FRMD4A: variants seen among roughly 807,000 people sequenced by gnomAD.
FRMD4A encodes FERM domain-containing protein 4A.
In FRMD4A, 29 loss-of-function variants were observed where a neutral mutation model predicts 129.1. The ratio of observed to expected loss-of-function variants is 0.22; its 90% confidence interval spans 0.17 to 0.31. FRMD4A has a LOEUF of 0.31. Ranked by LOEUF, FRMD4A falls within the 10% of genes least tolerant of loss-of-function variation. FRMD4A has a pLI of 1.00. For missense variants in FRMD4A, 1,272 were observed against 1,375.8 expected (o/e 0.92, Z 1.19); for synonymous variants, 634 against 571.6 (o/e 1.11, Z -1.56).
chr10:13,912,551 T>C (rs1196078660), intron 2 of FRMD4A, among the ~76,000 whole-genome samples: 1 of 141,182 alleles, frequency 7.1e-6, no homozygotes, highest in African/African-American at 2.7e-5. Flanking sequence ...TTTTTTGAGA[T>C]GGAGTCTCGC....
intron 2 of FRMD4A, among the ~76,000 whole-genome samples, chr10:13,876,743 A>C (rs1589128928): frequency 6.6e-6 from 1 of 152,234 alleles, no homozygotes. Context: ...TAAAACAATA[A>C]TACGTGTGAT....
chr10:14,255,416 T>C (rs1844573541), intron 2 of FRMD4A, among the ~76,000 whole-genome samples: 1 of 152,186 alleles, frequency 6.6e-6, no homozygotes, highest in South Asian at 2.1e-4. Flanking sequence ...CAGGACATTA[T>C]ATTAAAATAT....
intron 2 of FRMD4A, among the ~76,000 whole-genome samples, chr10:14,041,535 A>G (rs1489884170): frequency 6.6e-6 from 1 of 152,210 alleles, no homozygotes; most frequent in African/African-American, 2.4e-5. Context: ...ACGTTTACAA[A>G]TAAGTTCTGC....
At chr10:14,137,010 G>T (rs1264263409) in intron 2 of FRMD4A, among the ~76,000 whole-genome samples, 1 of 152,144 alleles carries the variant, frequency 6.6e-6, no homozygotes, top group African/African-American at 2.4e-5. Flanking sequence ...TCACTCACCT[G>T]CTCCCCATCA....
At chr10:13,789,090 G>C (rs1323867389) in intron 5 of FRMD4A, among the ~76,000 whole-genome samples, 1 of 152,000 alleles carries the variant, frequency 6.6e-6, no homozygotes, top group East Asian at 1.9e-4. Flanking sequence ...GCAAATAAGA[G>C]CCATGATAAT....
At chr10:13,810,783 T>C in intron 4 of FRMD4A, 31 bp downstream of exon 4, 1 of 1,189,428 alleles carries the variant, frequency 8.4e-7, no homozygotes. Flanking sequence ...GACTCTCCCT[T>C]CGGGCTGTGA....
At chr10:13,796,433 C>A (rs1302598217) in intron 5 of FRMD4A, 63 bp downstream of exon 5, 2 of 822,210 alleles carry the variant, frequency 2.4e-6, no homozygotes, top group Non-Finnish European at 4.3e-6. Context: ...ATCACTCTGC[C>A]CTCCCAGACT....
At chr10:13,952,262 C>T (rs1357989254) in intron 2 of FRMD4A, among the ~76,000 whole-genome samples, 1 of 151,828 alleles carries the variant, frequency 6.6e-6, no homozygotes, top group African/African-American at 2.4e-5. Flanking sequence ...CTTGGGGAGG[C>T]TGAGGCAGGA....
At chr10:14,164,288 G>T (rs1841055607) in intron 2 of FRMD4A, among the ~76,000 whole-genome samples, 1 of 152,216 alleles carries the variant, frequency 6.6e-6, no homozygotes, top group Non-Finnish European at 1.5e-5. Context: ...GCTCTGGCTG[G>T]GAGAATGGCA....
At chr10:13,793,653 C>T (rs777988893) in intron 5 of FRMD4A, among the ~76,000 whole-genome samples, 4 of 152,128 alleles carry the variant, frequency 2.6e-5, no homozygotes, top group Admixed American at 1.3e-4. Context: ...AGAGCCCAAC[C>T]GTGCTTCTGT....
At chr10:13,770,509 T>C (rs2092426368) in intron 6 of FRMD4A, among the ~76,000 whole-genome samples, 1 of 152,192 alleles carries the variant, frequency 6.6e-6, no homozygotes, top group Non-Finnish European at 1.5e-5. Flanking sequence ...AGTGGCACCA[T>C]CATAGTTCAC....
In FRMD4A at chr10:14,260,518, A is replaced by G. The variant is rs141484649; in HGVS notation, c.45+69540T>C. ...ATAAGTCATCCTACATGCTCATTAA[A>G]TCACAAGTAAAGAGTGTTTCCTTTC... On this transcript the variant is annotated intron_variant, in intron 2 of 24. Coordinates refer to ENST00000357447, the MANE Select transcript of FRMD4A (RefSeq NM_018027.5). Among the ~76,000 whole-genome samples, 570 of 152,354 alleles carry G rather than the reference A, an allele frequency of 3.7e-3. 2 individuals carry two copies. Among genetic ancestry groups the G allele is most frequent in the Middle Eastern group, 6.8e-3 (2 of 294 alleles).
At chr10:14,166,710 G>T (rs114824959) in intron 2 of FRMD4A, among the ~76,000 whole-genome samples, 2 of 152,146 alleles carry the variant, frequency 1.3e-5, no homozygotes, top group South Asian at 4.1e-4. Flanking sequence ...TAGGAAAAGG[G>T]CAACGAAATG....
chr10:14,100,608 T>C (rs953575864), intron 2 of FRMD4A, among the ~76,000 whole-genome samples: 8 of 152,108 alleles, frequency 5.3e-5, no homozygotes, highest in Admixed American at 6.5e-5. Flanking sequence ...TTGCCGGCCT[T>C]AGGATAAGCT....
chr10:13,876,918 A>G (rs1480889242), intron 2 of FRMD4A, among the ~76,000 whole-genome samples: 2 of 152,100 alleles, frequency 1.3e-5, no homozygotes, highest in African/African-American at 4.8e-5. Flanking sequence ...ATATGTTTTA[A>G]TTTGCCTATT....
chr10:13,849,985 A>G (rs2094118610), intron 3 of FRMD4A, among the ~76,000 whole-genome samples: 1 of 151,732 alleles, frequency 6.6e-6, no homozygotes, highest in Non-Finnish European at 1.5e-5. Context: ...CCTGGCCAAC[A>G]TGGTGAAATC....
chr10:13,781,215 G>A (rs1453800288), intron 6 of FRMD4A, among the ~76,000 whole-genome samples: 1 of 146,608 alleles, frequency 6.8e-6, no homozygotes. Flanking sequence ...GAAGTAGGAG[G>A]ATCACTTGAA....
chr10:13,952,341 A>C (rs1184265490), intron 2 of FRMD4A, among the ~76,000 whole-genome samples: 3 of 151,936 alleles, frequency 2.0e-5, no homozygotes, highest in African/African-American at 7.3e-5. Flanking sequence ...CTACAAAAAA[A>C]TTTTTAAAAA....
At chr10:13,799,669 A>T (rs1252701982) in intron 4 of FRMD4A, among the ~76,000 whole-genome samples, 2 of 151,906 alleles carry the variant, frequency 1.3e-5, no homozygotes, top group African/African-American at 2.4e-5. Context: ...CCTGGCCTTC[A>T]CTCATGCTGC....
Sources: allele counts gnomAD v4.1 joint callset (sites outside exome capture counted in the v4.1 genomes callset), GRCh38; gene constraint gnomAD v4.1.1; transcripts MANE v1.5; gene names NCBI Gene and HGNC (gene_info 2026-07-23, HGNC 2026-07-21).